The following CNTN5 variants were observed in gnomAD, a reference collection of about 807,000 sequenced individuals.
CNTN5 encodes contactin 5.
A neutral mutation model predicts 129.1 loss-of-function variants in CNTN5; 77 were observed. The observed-to-expected ratio is 0.60, with a 90% confidence interval of 0.50 to 0.72. CNTN5 has a LOEUF of 0.72. CNTN5 is among the 30% of genes least tolerant of loss of function. The pLI is 0.00. For missense variants in CNTN5, 1,478 were observed against 1,328.8 expected, an observed-to-expected ratio of 1.11 and a Z score of -1.75; for synonymous variants, 509 against 465.6, an observed-to-expected ratio of 1.09 and a Z score of -1.20.
chr11:99,632,382 T>C (rs1196585794), intron 3 of CNTN5, among the ~76,000 whole-genome samples: 1 of 152,088 alleles, frequency 6.6e-6, no homozygotes, highest in Non-Finnish European at 1.5e-5. Flanking sequence ...GGTAAACATG[T>C]CATTTTTCCC....
At chr11:99,453,183 A>T (rs1944373823) in intron 2 of CNTN5, among the ~76,000 whole-genome samples, 1 of 152,222 alleles carries the variant, frequency 6.6e-6, no homozygotes, top group African/African-American at 2.4e-5. Flanking sequence ...CCCATGTTTG[A>T]TTAAGATATT....
intron 13 of CNTN5, among the ~76,000 whole-genome samples, chr11:100,080,534 T>C (rs1176920284): frequency 6.6e-6 from 1 of 152,156 alleles, no homozygotes; most frequent in East Asian, 1.9e-4. Flanking sequence ...GGAAAATCTG[T>C]TCTTAACAAA....
intron 13 of CNTN5, among the ~76,000 whole-genome samples, chr11:100,134,131 T>A (rs1946456741): frequency 6.6e-6 from 1 of 152,164 alleles, no homozygotes; most frequent in Admixed American, 6.6e-5. Flanking sequence ...AGGAAATATG[T>A]CTTCTGCAGG....
chr11:100,229,797 T>C (rs1245499589), intron 16 of CNTN5, among the ~76,000 whole-genome samples: 2 of 152,222 alleles, frequency 1.3e-5, no homozygotes, highest in African/African-American at 4.8e-5. Flanking sequence ...CTTCTGAATG[T>C]TTCCAAGCTT....
intron 3 of CNTN5, among the ~76,000 whole-genome samples, chr11:99,650,734 T>G (rs1952124158): frequency 6.6e-6 from 1 of 151,948 alleles, no homozygotes; most frequent in Admixed American, 6.6e-5. Flanking sequence ...TCAGTAGTAG[T>G]TCAACATTCC....
intron 2 of CNTN5, among the ~76,000 whole-genome samples, chr11:99,510,852 A>G (rs1020661558): frequency 2.0e-5 from 3 of 152,142 alleles, no homozygotes; most frequent in African/African-American, 7.2e-5. Context: ...TATAAAGTTG[A>G]GTGTAAAACA....
At chr11:99,838,022 TTAAA>T (rs1947360683) in intron 4 of CNTN5, among the ~76,000 whole-genome samples, 1 of 152,158 alleles carries the variant, frequency 6.6e-6, no homozygotes, top group Admixed American at 6.6e-5. Context: ...TTTCTATAAG[TTAAA>T]TAGTTATATT....
intron 6 of CNTN5, among the ~76,000 whole-genome samples, chr11:99,892,075 T>A (rs991839656): frequency 6.6e-6 from 1 of 151,938 alleles, no homozygotes; most frequent in Admixed American, 6.6e-5. Context: ...ATTTCTCTAA[T>A]GTAATGATGA....
At chr11:100,317,959 C>T (rs1032596087) in intron 21 of CNTN5, among the ~76,000 whole-genome samples, 1 of 151,972 alleles carries the variant, frequency 6.6e-6, no homozygotes, top group Non-Finnish European at 1.5e-5. Context: ...AAGTATTTCT[C>T]GGCTGGGCGC....
chr11:99,476,146 A>T (rs1404212840), intron 2 of CNTN5, among the ~76,000 whole-genome samples: 1 of 151,930 alleles, frequency 6.6e-6, no homozygotes. Context: ...AATTCCCCAA[A>T]TTTATTTTAT....
At chr11:99,741,773 A>G (rs559467469) in intron 3 of CNTN5, among the ~76,000 whole-genome samples, 1 of 152,226 alleles carries the variant, frequency 6.6e-6, no homozygotes, top group South Asian at 2.1e-4. Flanking sequence ...ATTCTTTTTT[A>G]TCTACCTTAA....
intron 10 of CNTN5, among the ~76,000 whole-genome samples, chr11:100,062,169 A>G (rs1233078609): frequency 6.6e-6 from 1 of 152,194 alleles, no homozygotes; most frequent in Admixed American, 6.6e-5. Flanking sequence ...CTAGGTGAGG[A>G]CACTAAAAAG....
At chr11:99,099,794 C>T (rs542982074) in intron 1 of CNTN5, among the ~76,000 whole-genome samples, 1 of 152,118 alleles carries the variant, frequency 6.6e-6, no homozygotes, top group Admixed American at 6.6e-5. Context: ...ACGTATAAAT[C>T]ACTTCGAAAA....
At chr11:99,651,168 TCA>T (rs1355892982) in intron 3 of CNTN5, among the ~76,000 whole-genome samples, 1 of 151,914 alleles carries the variant, frequency 6.6e-6, no homozygotes, top group African/African-American at 2.4e-5. Flanking sequence ...AGGACATATA[TCA>T]CAGCTCATGT....
At chr11:99,782,669 C>T (rs1435137572) in intron 3 of CNTN5, among the ~76,000 whole-genome samples, 129 of 151,910 alleles carry the variant, frequency 8.5e-4, no homozygotes, top group Middle Eastern at 3.4e-3. Context: ...TCAGAAATAA[C>T]GCCGCATATC....
At chr11:99,501,073 T>A (rs570165761) in intron 2 of CNTN5, among the ~76,000 whole-genome samples, 1 of 152,166 alleles carries the variant, frequency 6.6e-6, no homozygotes. Context: ...TGCATCTGTG[T>A]GTGTATGTGT....
At chr11:100,168,231 A>G (rs1298318388) in intron 13 of CNTN5, among the ~76,000 whole-genome samples, 1 of 151,974 alleles carries the variant, frequency 6.6e-6, no homozygotes, top group African/African-American at 2.4e-5. Context: ...AGATATAACT[A>G]AGGGCATTGA....
intron 8 of CNTN5, among the ~76,000 whole-genome samples, chr11:99,989,796 C>T (rs1318287865): frequency 6.6e-6 from 1 of 152,110 alleles, no homozygotes; most frequent in African/African-American, 2.4e-5. Context: ...AACTGAGTCT[C>T]ATTCCACTGC....
At chr11:100,003,037 G>A (rs1939973854) in intron 9 of CNTN5, among the ~76,000 whole-genome samples, 1 of 152,038 alleles carries the variant, frequency 6.6e-6, no homozygotes, top group Non-Finnish European at 1.5e-5. Context: ...TTTAGCCTTT[G>A]GGTAAGGAAA....
Sources: gnomAD v4.1 joint callset for allele counts (sites outside exome capture counted in the v4.1 genomes callset) on GRCh38, gnomAD v4.1.1 for gene constraint, MANE v1.5 for transcripts, NCBI Gene and HGNC (gene_info 2026-07-23, HGNC 2026-07-21) for gene names.